Variants in SLC19A1 observed in about 807,000 individuals in gnomAD.
The protein encoded by SLC19A1 is solute carrier family 19 member 1.
Under a neutral mutation model 35.3 loss-of-function variants are expected in SLC19A1, and 37 were observed. The observed-to-expected ratio is 1.05, with a 90% CI of 0.81 to 1.38. SLC19A1 has a LOEUF of 1.38. SLC19A1 is among the 40% of genes most tolerant of loss of function. The pLI is 0.00. For synonymous variants in SLC19A1, 460 were observed against 398.5 expected (o/e 1.15, Z -1.84); for missense variants, 831 against 826.9 (o/e 1.00, Z -0.06).
chr21:45,526,168 G>A (rs939220315), intron 4 of SLC19A1, among the ~76,000 whole-genome samples: 1 of 152,186 alleles, frequency 6.6e-6, no homozygotes, highest in Non-Finnish European at 1.5e-5. Context: ...ACCCTCGAGG[G>A]GCCATTCTGG....
At chr21:45,511,038 A>AC (rs201422108), downstream of SLC19A1, 1,530 of 285,756 alleles carry the variant, frequency 5.4e-3, 49 homozygotes, top group African/African-American at 0.088. Flanking sequence ...ACATCCACAC[A>AC]CCCCCCCACA....
chr21:45,509,406 C>T, downstream of SLC19A1: 6 of 1,542,330 alleles, frequency 3.9e-6, no homozygotes, highest in Non-Finnish European at 5.2e-6. Context: ...TGCACGACAG[C>T]AACCCCTACC....
chr21:45,547,011 C>G (rs377028710), upstream of SLC19A1, among the ~76,000 whole-genome samples: 1 of 152,168 alleles, frequency 6.6e-6, no homozygotes, highest in African/African-American at 2.4e-5. Context: ...ATCAAAAATA[C>G]TAGAAATAAG....
In SLC19A1 at chr21:45,514,712, A is replaced by G. The variant is rs1472357295; in HGVS notation, c.*946T>C. On this transcript the variant is annotated 3_prime_UTR_variant, in exon 6 of 6. Coordinates refer to ENST00000311124, the MANE Select transcript of SLC19A1 (RefSeq NM_194255.4). Reference sequence around the variant, plus strand: ...CGGCCCTGAATCAGAAGCCCTGCGCACACTCACTTAAGTGTGTTTAATGTA... The same window carrying G: ...CGGCCCTGAATCAGAAGCCCTGCGCGCACTCACTTAAGTGTGTTTAATGTA... 5 of 369,220 alleles carry G rather than the reference A, an allele frequency of 1.4e-5. No homozygotes were observed. Among genetic ancestry groups the G allele is most frequent in the African/African-American group, 1.1e-4 (5 of 47,434 alleles). 22.9% of individuals were successfully genotyped at this position (369,220 alleles called of 1,614,324 possible).
intron 1 of SLC19A1, among the ~76,000 whole-genome samples, chr21:45,541,249 C>G (rs558981916): frequency 6.6e-6 from 1 of 152,262 alleles, no homozygotes; most frequent in Non-Finnish European, 1.5e-5. Flanking sequence ...TTGCAACAAG[C>G]AGTGCACAGG....
At position 45,517,209 on chromosome 21, in the gene SLC19A1, C is replaced by T. The variant is rs527537024; in HGVS notation, c.1294-1069G>A. The stretch of plus-strand genomic sequence containing the variant: ...GAAGGCAGCAGGCTGGAAAAGACAA[C>T]AGATGCAGAAAAAAGAGCCCATGGA... On this transcript the variant is annotated intron_variant, in intron 5 of 5. Transcript: ENST00000311124. The surrounding 1 kb of genome is among the most constrained non-coding windows in gnomAD (Gnocchi z 4.4). 3.9e-4 allele frequency among the ~76,000 whole-genome samples: 59 copies of T among 152,312 alleles called. No individual in the cohort carries two copies. The highest frequency in any genetic ancestry group is 1.3e-3 in the African/African-American group (55 of 41,570).
chr21:45,559,741 C>A (rs1349835098), intron 1 of SLC19A1, among the ~76,000 whole-genome samples: 1 of 152,172 alleles, frequency 6.6e-6, no homozygotes, highest in South Asian at 2.1e-4. Flanking sequence ...TTATTAACAG[C>A]AGTGAAGAAC....
At chr21:45,507,685 T>C, downstream of SLC19A1, 1 of 1,245,470 alleles carries the variant, frequency 8.0e-7, no homozygotes, top group South Asian at 1.3e-5. Context: ...ACGTGGTCCT[T>C]TGGAGTCCTG....
chr21:45,514,189 A>T lies in SLC19A1; in HGVS notation c.*1469T>A, dbSNP rs1270504131. 4 of 152,130 alleles carry T rather than the reference A, an allele frequency of 2.6e-5. No homozygotes were observed. Among genetic ancestry groups the T allele is most frequent in the Non-Finnish European group, 5.9e-5 (4 of 68,118 alleles). 9.4% of individuals were successfully genotyped at this position (152,130 alleles called of 1,614,324 possible). ...CCCCAGTGACGCTCTAGCCCATGGC[A>T]CAGGCCCAGCCCACCTCCACCCATC... On this transcript the variant is annotated 3_prime_UTR_variant, in exon 6 of 6. Transcript: ENST00000311124.
chr21:45,561,670 A>C (rs1462484187), intron 1 of SLC19A1, among the ~76,000 whole-genome samples: 2 of 152,148 alleles, frequency 1.3e-5, no homozygotes, highest in Non-Finnish European at 1.5e-5. Context: ...TTGAGACAAG[A>C]GAATTGCTTG....
intron 5 of SLC19A1, among the ~76,000 whole-genome samples, chr21:45,521,048 G>T (rs2077424609): frequency 6.7e-6 from 1 of 149,360 alleles, no homozygotes; most frequent in Admixed American, 6.7e-5. Flanking sequence ...ACGAAAAAAA[G>T]ATACCAGGGA....
intron 1 of SLC19A1, among the ~76,000 whole-genome samples, chr21:45,539,374 C>T (rs1412177625): frequency 6.6e-6 from 1 of 152,246 alleles, no homozygotes; most frequent in Non-Finnish European, 1.5e-5. Flanking sequence ...GCGGGGTCGC[C>T]GTCCCATCTG....
chr21:45,559,473 G>C (rs1373459846), intron 1 of SLC19A1, among the ~76,000 whole-genome samples: 2 of 152,216 alleles, frequency 1.3e-5, no homozygotes, highest in Non-Finnish European at 2.9e-5. Flanking sequence ...GGAAGGCCAG[G>C]TCTTCCAGCT....
chr21:45,532,995 C>A (rs1569006232), intron 2 of SLC19A1, among the ~76,000 whole-genome samples: 1 of 152,170 alleles, frequency 6.6e-6, no homozygotes, highest in African/African-American at 2.4e-5. Context: ...TGGGGTAGGG[C>A]AGAGGGCCCT....
downstream of SLC19A1, among the ~76,000 whole-genome samples, chr21:45,509,120 C>T (rs911886954): frequency 1.1e-4 from 16 of 152,082 alleles, no homozygotes; most frequent in Non-Finnish European, 1.0e-4. Context: ...CTTCTGAGCA[C>T]GGCTGGGTCT....
rs372513541 is a variant in SLC19A1 at position 45,530,157 on chromosome 21, CGTGT to C, written c.1151+609_1151+612del. Among the ~76,000 whole-genome samples, 14 of 139,258 alleles carry C rather than the reference CGTGT, an allele frequency of 1.0e-4. No homozygotes were observed. In the East Asian group the frequency reaches 2.4e-3, roughly 24 times the overall value. The allele number at this position is 139,258 out of a possible 152,430, so 91.4% of individuals were successfully genotyped here. On this transcript the variant is annotated intron_variant, in intron 4 of 5. Transcript: ENST00000311124. This position sits in a 1 kb window ranked among gnomAD's most constrained non-coding sequence, Gnocchi z 5.3. ...TTCATGTGAGTGTGCATTGTGTGTC[CGTGT>C]GTGTGTGGTGCGTCCATGTGTAGTG...
chr21:45,508,616 C>G (rs1246440647), downstream of SLC19A1, among the ~76,000 whole-genome samples: 1 of 151,982 alleles, frequency 6.6e-6, no homozygotes, highest in East Asian at 1.9e-4. Context: ...GTCATGATTC[C>G]TTAATTGGCT....
chr21:45,531,933 G>A lies in SLC19A1; in HGVS notation c.405C>T (p.Ala135=). ...FYSVTMAARI[A]YSSYIFSLVR... is the part of the protein sequence containing the mutation. ...CGAGAGAGAAGATGTAGGAGGAATA[G>A]GCGATGCGCGCGGCCATGGTGACGC... Residue 135 remains alanine (A), a synonymous_variant, in exon 3 of 6, where the codon GCC becomes GCT. Transcript: ENST00000311124. 2 of 1,600,770 alleles carry A rather than the reference G, an allele frequency of 1.2e-6. No individual in the cohort carries two copies. Among genetic ancestry groups the A allele is most frequent in the Non-Finnish European group, 1.7e-6 (2 of 1,174,494 alleles).
At chr21:45,504,597 G>A (rs1477396174) in intron 3 of SLC19A1, 2 of 1,541,500 alleles carry the variant, frequency 1.3e-6, no homozygotes, top group African/African-American at 2.7e-5. Context: ...TGTCCCAGGG[G>A]TCTGGGTGCA....
Sources: gnomAD v4.1 joint callset for allele counts (sites outside exome capture counted in the v4.1 genomes callset) on GRCh38, gnomAD v4.1.1 for gene constraint, Gnocchi (gnomAD v3.1) non-coding constraint, MANE v1.5 for transcripts, NCBI Gene and HGNC (gene_info 2026-07-23, HGNC 2026-07-21) for gene names.